Variants in SLC25A48 observed in about 807,000 individuals in gnomAD.
The protein encoded by SLC25A48 is solute carrier family 25 member 48, also known as CTC-321K16.1.
In SLC25A48, 29 loss-of-function variants were observed where a neutral mutation model predicts 32.2. The observed-to-expected ratio is 0.90, with a 90% CI of 0.67 to 1.23. The LOEUF (loss-of-function observed/expected upper bound fraction) is 1.23. Ranked by LOEUF, SLC25A48 falls within the 50% of genes most tolerant of loss-of-function variation. The pLI is 0.00. For synonymous variants in SLC25A48, 164 were observed against 172.3 expected (o/e 0.95, Z 0.38); for missense variants, 399 against 422.7 (o/e 0.94, Z 0.49).
In SLC25A48 at chr5:135,780,546, T is replaced by C; in HGVS notation, c.-520-31977T>C. Among the ~76,000 whole-genome samples the C allele has an allele frequency of 1.7e-5, 2 of 118,264 alleles. 1 individual carries two copies. The highest frequency in any genetic ancestry group is 4.2e-5 in the Non-Finnish European group (2 of 47,938). 77.6% of individuals were successfully genotyped at this position (118,264 alleles called of 152,430 possible). A position where few individuals can be genotyped will look rare whatever the true frequency, so the allele number is the denominator to read the frequency against. On this transcript the variant is annotated intron_variant, in intron 3 of 10. Transcript: ENST00000646290. Reference sequence around the variant, plus strand: ...GGTGTACACCTCCCCTGTGATATTGTTCCTAGTATCCAAAAGGAAGAGGAT... The same window carrying C: ...GGTGTACACCTCCCCTGTGATATTGCTCCTAGTATCCAAAAGGAAGAGGAT...
At chr5:135,801,584 T>C (rs1757328243) in intron 3 of SLC25A48, among the ~76,000 whole-genome samples, 1 of 151,480 alleles carries the variant, frequency 6.6e-6, no homozygotes, top group Non-Finnish European at 1.5e-5. Flanking sequence ...TTACCTCCAA[T>C]ATCGCAGAAG....
chr5:135,745,816 G>C (rs553956441), intron 3 of SLC25A48, among the ~76,000 whole-genome samples: 1 of 152,218 alleles, frequency 6.6e-6, no homozygotes, highest in South Asian at 2.1e-4. Context: ...TTGAATGAAC[G>C]GAAGAATCAC....
intron 3 of SLC25A48, among the ~76,000 whole-genome samples, chr5:135,748,337 C>T (rs1219051762): frequency 6.6e-6 from 1 of 152,202 alleles, no homozygotes; most frequent in African/African-American, 2.4e-5. Context: ...CTCACTCTGT[C>T]ACAGTTGCTC....
chr5:135,631,030 C>G (rs1434727783), intron 2 of SLC25A48, among the ~76,000 whole-genome samples: 1 of 152,170 alleles, frequency 6.6e-6, no homozygotes, highest in African/African-American at 2.4e-5. Flanking sequence ...ATGGAATATG[C>G]CAAAGCCTTT....
chr5:135,801,239 C>T (rs1427682414), intron 3 of SLC25A48, among the ~76,000 whole-genome samples: 1 of 150,212 alleles, frequency 6.7e-6, no homozygotes, highest in Non-Finnish European at 1.5e-5. Context: ...GGGTGTACAC[C>T]CCCTGTGATA....
chr5:135,753,128 A>T (rs1355023371), intron 3 of SLC25A48, among the ~76,000 whole-genome samples: 1 of 152,072 alleles, frequency 6.6e-6, no homozygotes, highest in African/African-American at 2.4e-5. Flanking sequence ...GCGTAATATC[A>T]CAGGGGGTGT....
At chr5:135,748,893 G>GT (rs1380333977) in intron 3 of SLC25A48, among the ~76,000 whole-genome samples, 4 of 151,450 alleles carry the variant, frequency 2.6e-5, no homozygotes, top group Non-Finnish European at 5.9e-5. Flanking sequence ...TAATTTTTGT[G>GT]TTTTTAGTAG....
intron 3 of SLC25A48, among the ~76,000 whole-genome samples, chr5:135,715,178 A>G (rs1370841621): frequency 6.6e-6 from 1 of 152,232 alleles, no homozygotes; most frequent in Admixed American, 6.5e-5. Flanking sequence ...GCCACTTCGA[A>G]AAAAACAGCA....
chr5:135,672,485 G>A (rs1371097546), intron 3 of SLC25A48, among the ~76,000 whole-genome samples: 1 of 152,188 alleles, frequency 6.6e-6, no homozygotes, highest in African/African-American at 2.4e-5. Context: ...GTGAGACTGT[G>A]ACTGCTGCTC....
chr5:135,598,144 G>A (rs1297832814), intron 1 of SLC25A48, among the ~76,000 whole-genome samples: 1 of 152,210 alleles, frequency 6.6e-6, no homozygotes, highest in Non-Finnish European at 1.5e-5. Flanking sequence ...ATGACTGCAA[G>A]TGATCAAAAA....
chr5:135,731,093 A>G (rs1008831824), intron 3 of SLC25A48, among the ~76,000 whole-genome samples: 2 of 152,160 alleles, frequency 1.3e-5, no homozygotes, highest in Admixed American at 6.5e-5. Context: ...GAGTCCGAAA[A>G]GAGAGTCAGT....
At chr5:135,773,855 G>A (rs1452023021) in intron 3 of SLC25A48, among the ~76,000 whole-genome samples, 1 of 150,754 alleles carries the variant, frequency 6.6e-6, no homozygotes, top group Non-Finnish European at 1.5e-5. Context: ...GTAGGATATT[G>A]CTCCCAATAT....
chr5:135,682,158 C>T (rs1384505050), intron 3 of SLC25A48, among the ~76,000 whole-genome samples: 1 of 152,168 alleles, frequency 6.6e-6, no homozygotes, highest in African/African-American at 2.4e-5. Flanking sequence ...CCCCTGTCTG[C>T]TATGGCCTGG....
At chr5:135,874,963 A>G in intron 6 of SLC25A48, 1 of 412,394 alleles carries the variant, frequency 2.4e-6, no homozygotes, top group Non-Finnish European at 4.2e-6. Context: ...AAGCAGCTTC[A>G]TGTCTCAGGG....
At chr5:135,758,657 C>T (rs1755983345) in intron 3 of SLC25A48, among the ~76,000 whole-genome samples, 1 of 150,544 alleles carries the variant, frequency 6.6e-6, no homozygotes, top group African/African-American at 2.4e-5. Flanking sequence ...GTAGTGTTAA[C>T]ACACTATGAT....
At chr5:135,876,535 T>C (rs1762071307) in intron 6 of SLC25A48, among the ~76,000 whole-genome samples, 1 of 152,056 alleles carries the variant, frequency 6.6e-6, no homozygotes, top group Non-Finnish European at 1.5e-5. Flanking sequence ...TATTAATCAG[T>C]CAAAAATTGG....
intron 3 of SLC25A48, among the ~76,000 whole-genome samples, chr5:135,756,239 A>G (rs982018660): frequency 2.0e-5 from 3 of 152,126 alleles, no homozygotes; most frequent in Non-Finnish European, 4.4e-5. Flanking sequence ...TAAAGTCTAC[A>G]TGGTATTTAT....
At chr5:135,653,679 A>G (rs1490376762) in intron 3 of SLC25A48, among the ~76,000 whole-genome samples, 1 of 152,160 alleles carries the variant, frequency 6.6e-6, no homozygotes, top group Non-Finnish European at 1.5e-5. Flanking sequence ...AGGGAGGGAG[A>G]AGACTTTCCC....
At chr5:135,733,726 G>T (rs1038188914) in intron 3 of SLC25A48, among the ~76,000 whole-genome samples, 2 of 152,136 alleles carry the variant, frequency 1.3e-5, no homozygotes, top group Non-Finnish European at 2.9e-5. Context: ...CCTGCACTTC[G>T]GCTGTGTGTA....
Sources: allele counts gnomAD v4.1 joint callset (sites outside exome capture counted in the v4.1 genomes callset), GRCh38; gene constraint gnomAD v4.1.1; transcripts MANE v1.5; gene names NCBI Gene and HGNC (gene_info 2026-07-23, HGNC 2026-07-21).